PHACTR4: variants seen among roughly 807,000 people sequenced by gnomAD.
PHACTR4 encodes phosphatase and actin regulator 4, also known as protein phosphatase 1, regulatory subunit 124.
PHACTR4 carries 51 observed loss-of-function variants against 72.7 expected under a neutral mutation model. The observed-to-expected ratio is 0.70, with a 90% CI of 0.56 to 0.89. The LOEUF (loss-of-function observed/expected upper bound fraction) is 0.89, where lower values mean the gene tolerates loss of function less well. Ranked by LOEUF, PHACTR4 falls within the 40% of genes least tolerant of loss-of-function variation. PHACTR4 has a pLI of 0.00. For missense variants in PHACTR4, 731 were observed against 861.8 expected (o/e 0.85, Z 1.90); for synonymous variants, 255 against 302.5 (o/e 0.84, Z 1.63).
chr1:28,383,742 A>C (rs1652363209), intron 1 of PHACTR4, among the ~76,000 whole-genome samples: 1 of 152,190 alleles, frequency 6.6e-6, no homozygotes, highest in African/African-American at 2.4e-5. Context: ...CAGCTTAAGG[A>C]GCTTTTGTGC....
At chr1:28,440,024 G>A (rs993305849) in intron 2 of PHACTR4, among the ~76,000 whole-genome samples, 3 of 152,078 alleles carry the variant, frequency 2.0e-5, no homozygotes, top group Admixed American at 1.3e-4. Flanking sequence ...ATCTGAGGCC[G>A]GGCGCGGTGG....
chr1:28,400,692 G>T (rs1653878555), intron 1 of PHACTR4, among the ~76,000 whole-genome samples: 2 of 151,860 alleles, frequency 1.3e-5, no homozygotes, highest in Non-Finnish European at 2.9e-5. Flanking sequence ...CGATTCTCCT[G>T]CCTCAACCTC....
chr1:28,433,036 C>T (rs1656381226), intron 2 of PHACTR4: 1 of 984,598 alleles, frequency 1.0e-6, no homozygotes, highest in East Asian at 1.1e-4. Flanking sequence ...AGCCACTGCA[C>T]CTGACCTAAG....
chr1:28,392,669 A>G (rs1272181183), intron 1 of PHACTR4, among the ~76,000 whole-genome samples: 1 of 152,142 alleles, frequency 6.6e-6, no homozygotes, highest in Non-Finnish European at 1.5e-5. Flanking sequence ...CTGGGATTAC[A>G]GGTGTGAGCC....
chr1:28,392,277 G>C (rs1289302322), intron 1 of PHACTR4, among the ~76,000 whole-genome samples: 2 of 152,080 alleles, frequency 1.3e-5, no homozygotes, highest in African/African-American at 4.8e-5. Flanking sequence ...TAGCAGACTT[G>C]GTTGTCAAAT....
rs979805950 is a variant in PHACTR4 at position 28,459,120 on chromosome 1, G to A, written c.52G>A (p.Val18Ile). ...ADQPTTEPGM[V>I]LDSVEAGDTT... The stretch of plus-strand genomic sequence containing the variant: ...CCAGCCCACTACAGAGCCAGGCATG[G>A]TCCTGGACAGTGTGGAAGCAGGAGA... Residue 18 changes from valine to isoleucine, a missense_variant, in exon 3 of 14, where the codon GTC (valine) becomes ATC (isoleucine). Val to Ile is a conservative substitution (Grantham distance 29). Coordinates refer to ENST00000373839, the MANE Select transcript of PHACTR4 (RefSeq NM_001048183.3). 1 of 1,613,898 alleles carries A rather than the reference G, an allele frequency of 6.2e-7. No homozygotes were observed. The highest frequency in any genetic ancestry group is 8.5e-7 in the Non-Finnish European group (1 of 1,179,990).
At chr1:28,379,715 G>T (rs371828485) in intron 1 of PHACTR4, among the ~76,000 whole-genome samples, 1 of 150,820 alleles carries the variant, frequency 6.6e-6, no homozygotes, top group African/African-American at 2.4e-5. Context: ...TCAGCCTCCC[G>T]AGTAGCTGGG....
At chr1:28,419,069 C>T (rs1655323472) in intron 2 of PHACTR4, among the ~76,000 whole-genome samples, 1 of 84,904 alleles carries the variant, frequency 1.2e-5, no homozygotes, top group East Asian at 2.1e-4. Context: ...TTTCTATGTA[C>T]AGTAGTTACA....
intron 10 of PHACTR4, 48 bp from the exon 11 acceptor site, chr1:28,490,903 A>G (rs1384526289): frequency 2.6e-6 from 4 of 1,556,288 alleles, no homozygotes; most frequent in Admixed American, 3.4e-5. Flanking sequence ...TTGATATGCA[A>G]ATTGTCATTT....
rs59019895 is a variant in PHACTR4, at chr1:28,496,050, C to CTTT, written c.2094-462_2094-460dup. Among the ~76,000 whole-genome samples the CTTT allele has an allele frequency of 1.5e-3, 133 of 88,766 alleles. 1 individual carries two copies. Among genetic ancestry groups the CTTT allele is most frequent in the African/African-American group, 2.2e-3 (47 of 20,916 alleles). 58.2% of individuals were successfully genotyped at this position (88,766 alleles called of 152,430 possible). A position where few individuals can be genotyped will look rare whatever the true frequency, so the allele number is the denominator to read the frequency against. On this transcript the variant is annotated intron_variant, in intron 13 of 13. Transcript: ENST00000373839. ...TGTTACAGAAGCCAAGAGAAGAGTT[C>CTTT]TTTTTTTTTTTTTTTTTTTTTTTTG...
chr1:28,379,598 T>C (rs1054221240), intron 1 of PHACTR4, among the ~76,000 whole-genome samples: 2 of 149,706 alleles, frequency 1.3e-5, no homozygotes, highest in Non-Finnish European at 3.0e-5. Flanking sequence ...CTTTTCTTTT[T>C]TTTTTTTTTG....
At chr1:28,485,218 C>G (rs1660556523) in intron 9 of PHACTR4, among the ~76,000 whole-genome samples, 1 of 152,002 alleles carries the variant, frequency 6.6e-6, no homozygotes, top group South Asian at 2.1e-4. Flanking sequence ...TAGGGAGTTG[C>G]TAATAAATAA....
At chr1:28,390,365 CT>C (rs1358336680) in intron 1 of PHACTR4, among the ~76,000 whole-genome samples, 1 of 152,206 alleles carries the variant, frequency 6.6e-6, no homozygotes, top group East Asian at 1.9e-4. Context: ...CAAACTCAAT[CT>C]TACAATTCTC....
At chr1:28,476,391 T>C in intron 8 of PHACTR4, 100 bp downstream of exon 8, 1 of 1,222,094 alleles carries the variant, frequency 8.2e-7, no homozygotes, top group Non-Finnish European at 1.1e-6. Flanking sequence ...ACAGGTACCT[T>C]CTCCCATTAA....
chr1:28,394,373 GAAAA>G (rs551805558), intron 1 of PHACTR4, among the ~76,000 whole-genome samples: 2 of 151,302 alleles, frequency 1.3e-5, no homozygotes, highest in Non-Finnish European at 2.9e-5. Context: ...AAGAAAAAAA[GAAAA>G]AAAAGAAAAG....
intron 9 of PHACTR4, among the ~76,000 whole-genome samples, chr1:28,482,143 C>T (rs181412418): frequency 1.4e-4 from 21 of 152,006 alleles, no homozygotes; most frequent in Non-Finnish European, 2.8e-4. Context: ...GTGATCTGCC[C>T]GCCTTCGACT....
chr1:28,417,896 T>C (rs1655205494), intron 2 of PHACTR4, among the ~76,000 whole-genome samples: 1 of 149,964 alleles, frequency 6.7e-6, no homozygotes, highest in Admixed American at 6.7e-5. Context: ...TACGGGAGGA[T>C]TGCTTGAGCC....
intron 13 of PHACTR4, among the ~76,000 whole-genome samples, chr1:28,493,657 T>TG (rs1216532387): frequency 1.3e-5 from 2 of 152,112 alleles, no homozygotes; most frequent in Non-Finnish European, 2.9e-5. Context: ...ACTGAGGAAA[T>TG]GGAGGCTCAC....
chr1:28,418,569 G>A (rs1393765198), intron 2 of PHACTR4, among the ~76,000 whole-genome samples: 2 of 152,012 alleles, frequency 1.3e-5, no homozygotes, highest in African/African-American at 2.4e-5. Flanking sequence ...TAAATTACAT[G>A]TAGATTAAAT....
Sources: allele counts gnomAD v4.1 joint callset (sites outside exome capture counted in the v4.1 genomes callset), GRCh38; gene constraint gnomAD v4.1.1; transcripts MANE v1.5; gene names NCBI Gene and HGNC (gene_info 2026-07-23, HGNC 2026-07-21).